SHISA9: variants seen among roughly 807,000 people sequenced by gnomAD.
SHISA9 encodes the protein shisa family member 9.
Under a neutral mutation model 38.0 loss-of-function variants are expected in SHISA9, and 13 were observed. That is an observed-to-expected ratio of 0.34 (90% CI 0.22 to 0.54). The LOEUF (loss-of-function observed/expected upper bound fraction) is 0.54, where lower values mean the gene tolerates loss of function less well. Among genes scored for constraint, SHISA9 ranks in the 20% least tolerant of loss-of-function variants. The pLI is 0.91. For synonymous variants in SHISA9, 275 were observed against 242.0 expected (o/e 1.14, Z -1.27); for missense variants, 538 against 575.8 (o/e 0.93, Z 0.67).
the SHISA9 span, among the ~76,000 whole-genome samples, chr16:13,347,680 C>T: frequency 6.6e-6 from 1 of 152,136 alleles, no homozygotes; most frequent in Non-Finnish European, 1.5e-5. Context: ...CCCTGATTGA[C>T]ATAAGAACAC....
intron 2 of SHISA9, among the ~76,000 whole-genome samples, chr16:13,135,044 A>G (rs1464866005): frequency 6.6e-6 from 1 of 152,198 alleles, no homozygotes; most frequent in Admixed American, 6.5e-5. Context: ...TCACTGGCCA[A>G]AGCAAGTCAC....
At chr16:13,210,524 C>G (rs1596735067) in intron 3 of SHISA9, among the ~76,000 whole-genome samples, 1 of 152,294 alleles carries the variant, frequency 6.6e-6, no homozygotes, top group South Asian at 2.1e-4. Flanking sequence ...TTTCCAATAG[C>G]ACTTTTTGAA....
At chr16:13,459,141 A>G in the SHISA9 span, among the ~76,000 whole-genome samples, 1 of 152,144 alleles carries the variant, frequency 6.6e-6, no homozygotes, top group Non-Finnish European at 1.5e-5. Flanking sequence ...GATGTGAGCC[A>G]CTGTGCCAGG....
intron 2 of SHISA9, among the ~76,000 whole-genome samples, chr16:13,150,713 C>T (rs769115101): frequency 2.0e-5 from 3 of 152,130 alleles, no homozygotes; most frequent in African/African-American, 2.4e-5. Context: ...TCTGGGACCT[C>T]CCACCACCCC....
At chr16:13,122,537 G>C (rs906210123) in intron 2 of SHISA9, among the ~76,000 whole-genome samples, 15 of 152,198 alleles carry the variant, frequency 9.9e-5, no homozygotes, top group Non-Finnish European at 1.9e-4. Flanking sequence ...AATAGGTAGA[G>C]TGTCACCTGG....
the SHISA9 span, among the ~76,000 whole-genome samples, chr16:13,557,142 A>C: frequency 6.6e-6 from 1 of 152,218 alleles, no homozygotes; most frequent in Non-Finnish European, 1.5e-5. Flanking sequence ...GTGAATAAAC[A>C]GAATATTCTT....
chr16:13,492,465 A>C, the SHISA9 span, among the ~76,000 whole-genome samples: 10 of 152,198 alleles, frequency 6.6e-5, no homozygotes, highest in Non-Finnish European at 1.3e-4. Context: ...GTTCTTGGCA[A>C]GGGATTTTTA....
chr16:13,408,451 G>A, the SHISA9 span, among the ~76,000 whole-genome samples: 2 of 152,062 alleles, frequency 1.3e-5, no homozygotes, highest in Non-Finnish European at 2.9e-5. Context: ...AGGATGGTCT[G>A]TCTTCATATG....
chr16:13,456,895 A>G, the SHISA9 span, among the ~76,000 whole-genome samples: 1 of 138,002 alleles, frequency 7.2e-6, no homozygotes, highest in Non-Finnish European at 1.6e-5. Context: ...CCATGACTCC[A>G]TGGGGAAAGG....
chr16:13,217,112 A>C (rs1045694114), intron 4 of SHISA9, among the ~76,000 whole-genome samples: 2 of 128,340 alleles, frequency 1.6e-5, no homozygotes, highest in Non-Finnish European at 3.3e-5. Flanking sequence ...TCTACTAAAA[A>C]TACAAAAAAA....
At chr16:13,421,584 G>A in the SHISA9 span, among the ~76,000 whole-genome samples, 4 of 152,160 alleles carry the variant, frequency 2.6e-5, no homozygotes, top group Non-Finnish European at 5.9e-5. Flanking sequence ...AATTCAAAAT[G>A]ATATTTACGT....
At chr16:13,314,747 A>G in the SHISA9 span, among the ~76,000 whole-genome samples, 1 of 152,114 alleles carries the variant, frequency 6.6e-6, no homozygotes, top group Non-Finnish European at 1.5e-5. Context: ...CTTTGTGGTG[A>G]GAATATTCAT....
chr16:13,007,718 C>T (rs74012237), intron 2 of SHISA9, among the ~76,000 whole-genome samples: 72 of 152,298 alleles, frequency 4.7e-4, no homozygotes, highest in African/African-American at 1.6e-3. Context: ...GCATGCCTGC[C>T]TATGTCAGCC....
chr16:12,977,183 C>A (rs1310755634), intron 2 of SHISA9, among the ~76,000 whole-genome samples: 1 of 152,128 alleles, frequency 6.6e-6, no homozygotes, highest in Non-Finnish European at 1.5e-5. Context: ...ACAATGGAGG[C>A]TCGGTTGGGC....
chr16:13,220,499 T>A (rs2051213079), intron 4 of SHISA9, among the ~76,000 whole-genome samples: 1 of 152,194 alleles, frequency 6.6e-6, no homozygotes, highest in African/African-American at 2.4e-5. Context: ...CCAAATCTCA[T>A]AATTATCTAC....
intron 2 of SHISA9, among the ~76,000 whole-genome samples, chr16:13,164,643 C>G (rs1162260144): frequency 1.3e-5 from 2 of 152,098 alleles, no homozygotes; most frequent in African/African-American, 4.8e-5. Context: ...AAATTAGCCT[C>G]TAGGTATTGC....
the SHISA9 span, among the ~76,000 whole-genome samples, chr16:13,260,573 G>C: frequency 6.6e-6 from 1 of 152,110 alleles, no homozygotes; most frequent in African/African-American, 2.4e-5. Context: ...TTCCCAAGAA[G>C]TTCATCATCT....
the SHISA9 span, among the ~76,000 whole-genome samples, chr16:13,387,034 C>T: frequency 7.0e-4 from 107 of 152,230 alleles, no homozygotes; most frequent in African/African-American, 2.5e-3. Context: ...CGATTCTGTG[C>T]CTTCCCCTCC....
At chr16:12,946,812 G>A (rs767042248) in intron 2 of SHISA9, among the ~76,000 whole-genome samples, 5 of 152,254 alleles carry the variant, frequency 3.3e-5, no homozygotes, top group Non-Finnish European at 4.4e-5. Flanking sequence ...GGCACTGCAT[G>A]GCCATTGCAG....
Sources: allele counts gnomAD v4.1 joint callset (sites outside exome capture counted in the v4.1 genomes callset), GRCh38; gene constraint gnomAD v4.1.1; transcripts MANE v1.5; gene names NCBI Gene and HGNC (gene_info 2026-07-23, HGNC 2026-07-21).